ADNP: variants seen among roughly 807,000 people sequenced by gnomAD.
ADNP encodes activity-dependent neuroprotector homeobox protein.
ADNP carries 4 observed loss-of-function variants against 84.9 expected under a neutral mutation model. The observed-to-expected ratio is 0.05, with a 90% confidence interval of 0.02 to 0.11. The LOEUF (loss-of-function observed/expected upper bound fraction) is 0.11. Among genes scored for constraint, ADNP ranks in the 10% least tolerant of loss-of-function variants. The pLI is 1.00. For synonymous variants in ADNP, 554 were observed against 468.1 expected (o/e 1.18, Z -2.37); for missense variants, 1,132 against 1,326.0 (o/e 0.85, Z 2.27).
At chr20:50,901,778 G>A (rs1402134580) in intron 5 of ADNP, among the ~76,000 whole-genome samples, 1 of 152,196 alleles carries the variant, frequency 6.6e-6, no homozygotes, top group Non-Finnish European at 1.5e-5. Context: ...AGCAGGCTTC[G>A]TAACTTTTAA....
At chr20:50,911,332 C>T (rs1983008900) in intron 2 of ADNP, among the ~76,000 whole-genome samples, 1 of 152,106 alleles carries the variant, frequency 6.6e-6, no homozygotes, top group Non-Finnish European at 1.5e-5. Context: ...AGTTTCAGGT[C>T]TCACTTTGAG....
At chr20:50,904,883 A>C (rs1982321275) in intron 2 of ADNP, 34 bp from the exon 3 acceptor site, 2 of 152,180 alleles carry the variant, frequency 1.3e-5, no homozygotes, top group African/African-American at 4.8e-5. Context: ...AAACAAAAAC[A>C]AAAAAACCTT....
chr20:50,910,554 T>G (rs900019751), intron 2 of ADNP, among the ~76,000 whole-genome samples: 1 of 152,208 alleles, frequency 6.6e-6, no homozygotes, highest in African/African-American at 2.4e-5. Flanking sequence ...GCCACTGCAC[T>G]CCAGCCTGGG....
intron 2 of ADNP, among the ~76,000 whole-genome samples, chr20:50,907,716 A>G (rs1982626549): frequency 6.6e-6 from 1 of 151,914 alleles, no homozygotes; most frequent in African/African-American, 2.4e-5. Flanking sequence ...ACCAGCTGGG[A>G]CTACAGGTGC....
Position 50,892,473 on chromosome 20 carries a change from T to C in ADNP, c.2241A>G (p.Glu747=). The C allele has an allele frequency of 1.2e-6, 2 of 1,614,232 alleles. No individual in the cohort carries two copies. Among genetic ancestry groups the C allele is most frequent in the Non-Finnish European group, 8.5e-7 (1 of 1,180,028 alleles). ...DSPSFFEEKP[E]EPVVLALDPK... is the part of the protein sequence containing the mutation. ...GGTCTAAAGCTAAAACAACAGGCTC[T>C]TCAGGCTTCTCTTCAAAGAAGCTGG... is the stretch of plus-strand genomic sequence containing the variant. Residue 747 remains glutamate (E), a synonymous_variant, in exon 6 of 6, where the codon GAA becomes GAG. Transcript: ENST00000621696.
chr20:50,930,420 T>C (rs1353005967), intron 1 of ADNP, among the ~76,000 whole-genome samples: 1 of 141,384 alleles, frequency 7.1e-6, no homozygotes, highest in East Asian at 2.5e-4. Context: ...GTTCAAGGCA[T>C]GGGGGTGTGC....
Position 50,890,937 on chromosome 20 carries a change from A to G in ADNP, c.*468T>C. On this transcript the variant is annotated 3_prime_UTR_variant, in exon 6 of 6. Coordinates refer to ENST00000621696, the MANE Select transcript of ADNP (RefSeq NM_001282531.3). ...TGAGCATCACTTGAATAGGTCTAAAAGACTGTACAAATATACATTTCAACT... is the reference window on the plus strand; with the variant it reads ...TGAGCATCACTTGAATAGGTCTAAAGGACTGTACAAATATACATTTCAACT... 1 of 987,560 alleles carries G rather than the reference A, an allele frequency of 1.0e-6. No individual in the cohort carries two copies. Among genetic ancestry groups the G allele is most frequent in the Non-Finnish European group, 1.2e-6 (1 of 831,538 alleles). 61.2% of individuals were successfully genotyped at this position (987,560 alleles called of 1,614,324 possible).
chr20:50,913,968 T>C (rs1481242257), intron 2 of ADNP: 11 of 719,678 alleles, frequency 1.5e-5, no homozygotes, highest in East Asian at 2.5e-5. Context: ...AGACTGCTGT[T>C]TGTGCTGGCC....
intron 5 of ADNP, among the ~76,000 whole-genome samples, chr20:50,895,417 A>G (rs75765064): frequency 0.011 from 1,699 of 152,352 alleles, 16 homozygotes; most frequent in East Asian, 0.035. Context: ...TAAAAATACA[A>G]TGTAAAAGAT....
At chr20:50,911,555 G>A (rs1462963566) in intron 2 of ADNP, among the ~76,000 whole-genome samples, 2 of 150,926 alleles carry the variant, frequency 1.3e-5, no homozygotes, top group East Asian at 3.9e-4. Context: ...GCCCAGGCTG[G>A]AGTGCAATGG....
chr20:50,892,520 A>C lies in ADNP; in HGVS notation c.2194T>G (p.Leu732Val). ...CTGGGTGAATCACTATCATCATCTA[A>C]CTTTCGTTTTTTCAGTAAGGGAAAT... ...MEFPLLKKRKLDDDSDSPSFF... is the reference protein window; with the variant it reads ...MEFPLLKKRKVDDDSDSPSFF... The change falls in exon 6 of 6, where the codon TTA becomes GTA. Residue 732 changes from leucine to valine, a missense_variant. Coordinates refer to ENST00000621696, the MANE Select transcript of ADNP (RefSeq NM_001282531.3). The C allele has an allele frequency of 6.2e-7, 1 of 1,614,170 alleles. No homozygotes were observed. The highest frequency in any genetic ancestry group is 8.5e-7 in the Non-Finnish European group (1 of 1,180,034).
intron 2 of ADNP, among the ~76,000 whole-genome samples, chr20:50,920,625 G>C (rs1328924476): frequency 1.3e-5 from 2 of 150,672 alleles, no homozygotes; most frequent in Non-Finnish European, 2.9e-5. Flanking sequence ...CCAACCCTCA[G>C]AATTACCTGA....
At chr20:50,909,472 A>G (rs1982833193) in intron 2 of ADNP, 1 of 152,114 alleles carries the variant, frequency 6.6e-6, no homozygotes, top group Non-Finnish European at 1.5e-5. Flanking sequence ...CATGACATAA[A>G]AAAAGAAAAA....
intron 2 of ADNP, among the ~76,000 whole-genome samples, chr20:50,908,866 T>C (rs967361951): frequency 2.6e-5 from 4 of 152,104 alleles, no homozygotes; most frequent in South Asian, 4.1e-4. Flanking sequence ...GGGAACAGAA[T>C]AGATAAGAAA....
In ADNP at chr20:50,903,945, T is replaced by C; in HGVS notation, c.52A>G (p.Thr18Ala). 6.2e-7 allele frequency: 1 copy of C among 1,614,022 alleles called. No homozygotes were observed. The highest frequency in any genetic ancestry group is 1.1e-5 in the South Asian group (1 of 91,082). ...NLGSLRKARK[T>A]VKKILSDIGL... ...ATGTCACTAAGTATTTTTTTCACAGTTTTCCGGGCTTTTCTTAAACTGCCA... is the reference window on the plus strand; with the variant it reads ...ATGTCACTAAGTATTTTTTTCACAGCTTTCCGGGCTTTTCTTAAACTGCCA... The change falls in exon 4 of 6, where the codon ACT (threonine) becomes GCT (alanine). Residue 18 changes from threonine to alanine, a missense_variant. Thr to Ala is a moderately conservative substitution (Grantham distance 58, BLOSUM62 0). Coordinates refer to ENST00000621696, the MANE Select transcript of ADNP (RefSeq NM_001282531.3).
In ADNP at chr20:50,931,366, C is replaced by G. The variant is rs1263613143; in HGVS notation, c.-805G>C. On this transcript the variant is annotated 5_prime_UTR_variant, in exon 1 of 6. Transcript: ENST00000621696. ...GGGAGGGGGCTGATCCCGCGTCTCC[C>G]CTCAGCAGACAATACAAGCGCCTCG... The G allele has an allele frequency of 6.5e-6, 1 of 152,864 alleles. No homozygotes were observed. Among genetic ancestry groups the G allele is most frequent in the Non-Finnish European group, 1.5e-5 (1 of 68,422 alleles). The allele number at this position is 152,864 out of a possible 1,614,324, so 9.5% of individuals were successfully genotyped here.
In ADNP at chr20:50,902,068, G is replaced by A. The variant is rs771310564; in HGVS notation, c.150C>T (p.Asn50=). The A allele has an allele frequency of 2.5e-6, 4 of 1,613,822 alleles. No individual in the cohort carries two copies. The highest frequency in any genetic ancestry group is 2.2e-5 in the East Asian group (1 of 44,882). Residue 50 remains asparagine (N), a synonymous_variant, in exon 5 of 6, where the codon AAC becomes AAT. Coordinates refer to ENST00000621696, the MANE Select transcript of ADNP (RefSeq NM_001282531.3). ...ACAGTCCTACATCCTCCCATGTAGT[G>A]TTTTTCAAATAAAAGTCATTAGGTT... ...QFEPNDFYLK[N]TTWEDVGLWD...
chr20:50,929,215 GGAAA>G, intron 1 of ADNP, among the ~76,000 whole-genome samples: 1 of 152,304 alleles, frequency 6.6e-6, no homozygotes, highest in South Asian at 2.1e-4. Context: ...ACCAGACTTA[GGAAA>G]GATATGGTGA....
chr20:50,919,588 T>A (rs917752595), intron 2 of ADNP, among the ~76,000 whole-genome samples: 4 of 152,220 alleles, frequency 2.6e-5, no homozygotes, highest in South Asian at 4.1e-4. Context: ...CAATAAATAT[T>A]TGCAGTAAAA....
Sources: gnomAD v4.1 joint callset for allele counts (sites outside exome capture counted in the v4.1 genomes callset) on GRCh38, gnomAD v4.1.1 for gene constraint, MANE v1.5 for transcripts, NCBI Gene and HGNC (gene_info 2026-07-23, HGNC 2026-07-21) for gene names.